TTLL5: variants seen among roughly 807,000 people sequenced by gnomAD.
The protein encoded by TTLL5 is tubulin tyrosine ligase like 5.
TTLL5 carries 132 observed loss-of-function variants against 168.4 expected under a neutral mutation model. The ratio of observed to expected loss-of-function variants is 0.78; its 90% CI spans 0.68 to 0.91. TTLL5 has a LOEUF of 0.91. Among genes scored for constraint, TTLL5 ranks in the 40% least tolerant of loss-of-function variants. TTLL5 has a pLI of 0.00. For synonymous variants in TTLL5, 546 were observed against 558.6 expected (o/e 0.98, Z 0.32); for missense variants, 1,545 against 1,581.5 (o/e 0.98, Z 0.39).
At chr14:75,886,989 AAC>A (rs2140039476) in intron 30 of TTLL5, 2 of 1,400,236 alleles carry the variant, frequency 1.4e-6, no homozygotes, top group African/African-American at 1.4e-5. Flanking sequence ...CTGTTTAAGA[AAC>A]ACAGACTGAA....
At position 75,954,456 on chromosome 14, in the gene TTLL5, A is replaced by G. The variant is rs1186549277; in HGVS notation, c.*10A>G. On this transcript the variant is annotated 3_prime_UTR_variant, in exon 32 of 32. Transcript: ENST00000298832. ...TCACACTAAAATATGAACCACAAACACACAGAGAAACAACCTGTTCACCAC... is the reference window on the plus strand; with the variant it reads ...TCACACTAAAATATGAACCACAAACGCACAGAGAAACAACCTGTTCACCAC... 1 of 1,613,770 alleles carries G rather than the reference A, an allele frequency of 6.2e-7. No homozygotes were observed. The highest frequency in any genetic ancestry group is 1.1e-5 in the South Asian group (1 of 91,064).
intron 31 of TTLL5, among the ~76,000 whole-genome samples, chr14:75,907,241 A>C (rs1243472467): frequency 6.6e-6 from 1 of 152,100 alleles, no homozygotes; most frequent in Non-Finnish European, 1.5e-5. Flanking sequence ...CAAACTGTAA[A>C]CCTCATCCTC....
At chr14:75,913,931 T>C (rs1325754951) in intron 31 of TTLL5, among the ~76,000 whole-genome samples, 1 of 149,196 alleles carries the variant, frequency 6.7e-6, no homozygotes, top group East Asian at 2.0e-4. Flanking sequence ...GAAGAATTGC[T>C]TCAGTCCAGG....
At chr14:75,819,618 A>C (rs1894713426) in intron 27 of TTLL5, among the ~76,000 whole-genome samples, 1 of 152,198 alleles carries the variant, frequency 6.6e-6, no homozygotes, top group Non-Finnish European at 1.5e-5. Context: ...TGTTATTTAT[A>C]ACTAAAATTT....
intron 27 of TTLL5, among the ~76,000 whole-genome samples, chr14:75,818,063 C>T (rs531126130): frequency 6.6e-6 from 1 of 152,022 alleles, no homozygotes; most frequent in Admixed American, 6.6e-5. Flanking sequence ...TGATCTCGAT[C>T]TCCTGACCTT....
intron 10 of TTLL5, 85 bp from the exon 11 acceptor site, chr14:75,719,650 A>T: frequency 8.1e-7 from 1 of 1,237,838 alleles, no homozygotes; most frequent in South Asian, 1.9e-5. Flanking sequence ...CTTTTTAAAA[A>T]GACAAGAAGG....
chr14:75,732,388 T>C lies in TTLL5; in HGVS notation c.1093T>C (p.Leu365=), dbSNP rs769122497. Residue 365 remains leucine, a synonymous_variant, in exon 13 of 32, where the codon TTG becomes CTG. Coordinates refer to ENST00000298832, the MANE Select transcript of TTLL5 (RefSeq NM_015072.5). ...AGATTCTACTCTGAAGCCATGGTTG[T>C]TGGAAGTGAATCTCTCTCCTTCTTT... is the stretch of plus-strand genomic sequence containing the variant. ...LIDSTLKPWL[L]EVNLSPSLAC... is the part of the protein sequence containing the mutation. 1.2e-6 allele frequency: 2 copies of C among 1,613,958 alleles called. No individual in the cohort carries two copies. Among genetic ancestry groups the C allele is most frequent in the Admixed American group, 1.7e-5 (1 of 60,014 alleles).
chr14:75,779,438 A>C (rs1323326442), intron 23 of TTLL5, 137 bp from the exon 24 acceptor site: 1 of 1,169,318 alleles, frequency 8.6e-7, no homozygotes, highest in African/African-American at 1.6e-5. Context: ...TATTTTAACC[A>C]CCTATTAATA....
intron 29 of TTLL5, among the ~76,000 whole-genome samples, chr14:75,868,413 G>T (rs1244751131): frequency 1.3e-5 from 2 of 152,194 alleles, no homozygotes; most frequent in Admixed American, 6.5e-5. Context: ...ACTCAAGGTA[G>T]GAGAAAACTG....
chr14:75,808,163 T>A (rs1893767007), intron 27 of TTLL5, among the ~76,000 whole-genome samples: 1 of 152,190 alleles, frequency 6.6e-6, no homozygotes, highest in Non-Finnish European at 1.5e-5. Context: ...TTCCCAGGAA[T>A]GTCTCTGGCA....
At chr14:75,895,117 G>T (rs899193665) in intron 30 of TTLL5, among the ~76,000 whole-genome samples, 1 of 152,122 alleles carries the variant, frequency 6.6e-6, no homozygotes, top group Non-Finnish European at 1.5e-5. Flanking sequence ...CATTTTAGGG[G>T]CACATGTTCT....
chr14:75,778,414 A>G (rs1891847903), intron 23 of TTLL5, among the ~76,000 whole-genome samples: 2 of 152,236 alleles, frequency 1.3e-5, no homozygotes, highest in Admixed American at 1.3e-4. Context: ...ATTTTGACCA[A>G]CCGTAACCTT....
Position 75,902,209 on chromosome 14 carries a change from A to T in TTLL5, c.3808A>T (p.Ile1270Phe). 6.2e-7 allele frequency: 1 copy of T among 1,614,186 alleles called. No individual in the cohort carries two copies. The highest frequency in any genetic ancestry group is 8.5e-7 in the Non-Finnish European group (1 of 1,180,014). The change falls in exon 31 of 32, where the codon ATC becomes TTC. Residue 1270 changes from isoleucine to phenylalanine, a missense_variant. Ile to Phe is a conservative substitution (Grantham distance 21, BLOSUM62 0). Transcript: ENST00000298832. ...CCTTAACCCTGCAGCCTTTGTGCCC[A>T]TCACCAGCTCTACAGGTTAGTGGGC... is the stretch of plus-strand genomic sequence containing the variant. ...SSLNPAAFVP[I>F]TSSTDPAHTK...
chr14:75,863,978 C>G, intron 29 of TTLL5, 116 bp downstream of exon 29: 1 of 1,135,268 alleles, frequency 8.8e-7, no homozygotes, highest in Non-Finnish European at 1.2e-6. Context: ...CAACCCCGTG[C>G]CATCCTGGCT....
chr14:75,858,550 A>C (rs1897248319), intron 28 of TTLL5, among the ~76,000 whole-genome samples: 1 of 152,250 alleles, frequency 6.6e-6, no homozygotes, highest in East Asian at 1.9e-4. Context: ...TCTGATAGAC[A>C]AACTAGGGTT....
intron 30 of TTLL5, among the ~76,000 whole-genome samples, chr14:75,899,411 A>G (rs545065147): frequency 2.0e-5 from 3 of 152,356 alleles, no homozygotes; most frequent in African/African-American, 7.2e-5. Context: ...AAGTTGGAAT[A>G]TATTTTCCCA....
At chr14:75,706,092 G>T (rs980698033) in intron 7 of TTLL5, among the ~76,000 whole-genome samples, 1 of 152,094 alleles carries the variant, frequency 6.6e-6, no homozygotes, top group East Asian at 1.9e-4. Context: ...GGCTTGGTGC[G>T]TGCCATCTTC....
intron 29 of TTLL5, among the ~76,000 whole-genome samples, chr14:75,878,552 C>T (rs1030771970): frequency 5.3e-5 from 8 of 152,144 alleles, no homozygotes; most frequent in African/African-American, 1.9e-4. Context: ...TTGTCCAGAA[C>T]ATATGGCATG....
At chr14:75,786,870 T>G (rs959448815) in intron 26 of TTLL5, among the ~76,000 whole-genome samples, 1 of 152,162 alleles carries the variant, frequency 6.6e-6, no homozygotes, top group African/African-American at 2.4e-5. Flanking sequence ...CAGCGTCTTA[T>G]GCCTATAATC....
Sources: allele counts gnomAD v4.1 joint callset (sites outside exome capture counted in the v4.1 genomes callset), GRCh38; gene constraint gnomAD v4.1.1; transcripts MANE v1.5; gene names NCBI Gene and HGNC (gene_info 2026-07-23, HGNC 2026-07-21).